Variants in PTGER3 observed in about 807,000 individuals in gnomAD.
The protein encoded by PTGER3 is prostaglandin E2 receptor EP3 subtype.
In PTGER3, 22 loss-of-function variants were observed where a neutral mutation model predicts 34.7. The observed-to-expected ratio is 0.63, with a 90% CI of 0.45 to 0.91. The LOEUF (loss-of-function observed/expected upper bound fraction) is 0.91, where lower values mean the gene tolerates loss of function less well. PTGER3 is among the 40% of genes least tolerant of loss of function. The probability of loss-of-function intolerance (pLI) is 0.00; values close to 1 mark genes in which losing one functional copy is unlikely to be tolerated. For synonymous variants in PTGER3, 241 were observed against 230.1 expected (o/e 1.05, Z -0.43); for missense variants, 468 against 519.4 (o/e 0.90, Z 0.96).
intron 1 of PTGER3, among the ~76,000 whole-genome samples, chr1:71,027,988 C>T (rs1321229786): frequency 6.6e-6 from 1 of 152,096 alleles, no homozygotes; most frequent in Non-Finnish European, 1.5e-5. Context: ...AAGTTTAGTG[C>T]TTTATTCTTT....
chr1:70,904,558 C>G (rs148978350), intron 4 of PTGER3, among the ~76,000 whole-genome samples: 129 of 152,220 alleles, frequency 8.5e-4, no homozygotes, highest in African/African-American at 3.0e-3. Context: ...GGAACTGGAG[C>G]AAATGTGACT....
chr1:70,871,455 T>C (rs1371641151), intron 4 of PTGER3, among the ~76,000 whole-genome samples: 2 of 152,134 alleles, frequency 1.3e-5, no homozygotes, highest in African/African-American at 4.8e-5. Flanking sequence ...ACTATATAAC[T>C]GGAGAAGCCT....
Position 70,977,420 on chromosome 1 carries a change from G to T in PTGER3, c.1078-3032C>A, listed in dbSNP as rs565156512. ...CAGAATGACCCAGCTGTACCACAGG[G>T]TTATAGCTACTTTCCATCATGTCAT... On this transcript the variant is annotated intron_variant, in intron 2 of 3. Transcript: ENST00000306666. Among the ~76,000 whole-genome samples the T allele has an allele frequency of 3.3e-4, 50 of 152,120 alleles. 1 individual carries two copies. The highest frequency in any genetic ancestry group is 1.2e-3 in the African/African-American group (49 of 41,492).
intron 2 of PTGER3, among the ~76,000 whole-genome samples, chr1:70,982,336 G>T (rs1225684703): frequency 2.0e-5 from 3 of 152,134 alleles, no homozygotes; most frequent in Admixed American, 1.3e-4. Context: ...TGATTGGACT[G>T]CAGTATTCCA....
chr1:70,990,386 C>CACATAT (rs1206925417), intron 2 of PTGER3, among the ~76,000 whole-genome samples: 1,708 of 131,262 alleles, frequency 0.013, 18 homozygotes, highest in African/African-American at 0.036. Context: ...CACACACACA[C>CACATAT]ATATATATAT....
chr1:70,998,327 C>A (rs1656164241), intron 2 of PTGER3: 1 of 152,148 alleles, frequency 6.6e-6, no homozygotes, highest in African/African-American at 2.4e-5. Flanking sequence ...ATTCTAATTA[C>A]AATGAAAGAA....
intron 1 of PTGER3, among the ~76,000 whole-genome samples, chr1:71,019,508 A>G (rs1353411573): frequency 2.6e-5 from 4 of 152,202 alleles, no homozygotes; most frequent in African/African-American, 9.7e-5. Flanking sequence ...TGGGAACACA[A>G]CTACATCAGT....
At chr1:70,852,978 C>T in intron 4 of PTGER3, 1 of 1,140,504 alleles carries the variant, frequency 8.8e-7, no homozygotes, top group Non-Finnish European at 1.3e-6. Flanking sequence ...AATGGTAAAT[C>T]ACTTACAGCA....
chr1:70,886,270 G>T (rs1301417440), intron 4 of PTGER3: 1 of 448,816 alleles, frequency 2.2e-6, no homozygotes, highest in Non-Finnish European at 4.5e-6. Flanking sequence ...CAAAAAGAGG[G>T]CACTCACCAG....
intron 2 of PTGER3, among the ~76,000 whole-genome samples, chr1:70,975,239 T>C (rs1321812478): frequency 2.0e-5 from 3 of 152,174 alleles, no homozygotes; most frequent in Admixed American, 6.5e-5. Context: ...GAAATCATAG[T>C]GGATAAGCAT....
At chr1:70,881,449 G>A (rs1258409725) in intron 4 of PTGER3, among the ~76,000 whole-genome samples, 1 of 152,168 alleles carries the variant, frequency 6.6e-6, no homozygotes, top group Non-Finnish European at 1.5e-5. Context: ...CTTTGCTGGG[G>A]AACTAGTGTG....
Position 70,944,967 on chromosome 1 carries a change from C to A in PTGER3, c.*23+8796G>T, listed in dbSNP as rs72669178. On this transcript the variant is annotated intron_variant, in intron 4 of 4. Coordinates refer to the PTGER3 transcript ENST00000370931. ...CTCCATTCTAAAGAGAACTTCTCATCCGTACCAGTGCAGTAGCCTCCTGAG... is the reference window on the plus strand; with the variant it reads ...CTCCATTCTAAAGAGAACTTCTCATACGTACCAGTGCAGTAGCCTCCTGAG... Among the ~76,000 whole-genome samples, 670 of 152,176 alleles carry A rather than the reference C, an allele frequency of 4.4e-3. 4 individuals are homozygous for A. Among genetic ancestry groups the A allele is most frequent in the Non-Finnish European group, 7.5e-3 (510 of 67,982 alleles).
At chr1:70,863,455 T>G (rs1485160571) in intron 4 of PTGER3, among the ~76,000 whole-genome samples, 3 of 152,172 alleles carry the variant, frequency 2.0e-5, no homozygotes, top group Non-Finnish European at 4.4e-5. Context: ...GTTAGAGGAT[T>G]CTACTGCAAG....
chr1:70,968,722 C>CAT (rs934430838), downstream of PTGER3, among the ~76,000 whole-genome samples: 66 of 150,766 alleles, frequency 4.4e-4, no homozygotes, highest in Middle Eastern at 3.5e-3. Context: ...TTTTAAGTAT[C>CAT]ATATATATAT....
intron 2 of PTGER3, among the ~76,000 whole-genome samples, chr1:70,957,783 A>G (rs183374711): frequency 1.3e-5 from 2 of 152,232 alleles, no homozygotes. Flanking sequence ...GTAATACAAC[A>G]CCAAAACTTA....
chr1:71,031,222 T>C (rs1256588582), intron 1 of PTGER3, among the ~76,000 whole-genome samples: 3 of 149,108 alleles, frequency 2.0e-5, no homozygotes, highest in African/African-American at 7.5e-5. Context: ...TACCCCAATT[T>C]CCCAACAGAT....
At position 70,944,266 on chromosome 1, in the gene PTGER3, A is replaced by G. The variant is rs146610321; in HGVS notation, c.*23+9497T>C. Reference sequence around the variant, plus strand: ...GAGATATATGACCTAAACTAGGTCAATAACTCTATCAGCAATATTTGCTAG... The same window carrying G: ...GAGATATATGACCTAAACTAGGTCAGTAACTCTATCAGCAATATTTGCTAG... On this transcript the variant is annotated intron_variant, in intron 4 of 4. Transcript: ENST00000370931. Among the ~76,000 whole-genome samples the G allele has an allele frequency of 7.7e-4, 118 of 152,268 alleles. 1 individual carries two copies. The highest frequency in any genetic ancestry group is 1.4e-3 in the Non-Finnish European group (96 of 68,002).
chr1:70,917,079 T>C (rs114285757), intron 4 of PTGER3, among the ~76,000 whole-genome samples: 1,841 of 152,048 alleles, frequency 0.012, 31 homozygotes, highest in African/African-American at 0.039. Flanking sequence ...ATACACTACA[T>C]TGTTATTTGC....
At chr1:71,022,527 T>C (rs572394332) in intron 1 of PTGER3, among the ~76,000 whole-genome samples, 147 of 152,018 alleles carry the variant, frequency 9.7e-4, no homozygotes, top group Middle Eastern at 3.4e-3. Context: ...AACTTTGCAG[T>C]ATGTCAAAAT....
Sources: allele counts gnomAD v4.1 joint callset (sites outside exome capture counted in the v4.1 genomes callset), GRCh38; gene constraint gnomAD v4.1.1; transcripts MANE v1.5; gene names NCBI Gene and HGNC (gene_info 2026-07-23, HGNC 2026-07-21).